TACR3: variants seen among roughly 807,000 people sequenced by gnomAD.
The protein encoded by TACR3 is neuromedin-K receptor.
TACR3 carries 34 observed loss-of-function variants against 35.0 expected under a neutral mutation model. The ratio of observed to expected loss-of-function variants is 0.97; its 90% confidence interval spans 0.74 to 1.30. The LOEUF (loss-of-function observed/expected upper bound fraction) is 1.30. Ranked by LOEUF, TACR3 falls within the 50% of genes most tolerant of loss-of-function variation. The probability of loss-of-function intolerance (pLI) is 0.00; values close to 1 mark genes in which losing one functional copy is unlikely to be tolerated. For missense variants in TACR3, 558 were observed against 591.7 expected (o/e 0.94, Z 0.59); for synonymous variants, 233 against 221.1 (o/e 1.05, Z -0.48).
intron 1 of TACR3, among the ~76,000 whole-genome samples, chr4:103,664,538 C>T (rs1725898181): frequency 6.6e-6 from 1 of 152,146 alleles, no homozygotes; most frequent in Admixed American, 6.6e-5. Context: ...ATTTTACTCT[C>T]TTCCAATCAA....
intron 3 of TACR3, among the ~76,000 whole-genome samples, chr4:103,599,378 T>A (rs967655704): frequency 6.6e-6 from 1 of 152,206 alleles, no homozygotes; most frequent in Non-Finnish European, 1.5e-5. Context: ...GTTTTCTAGA[T>A]ACACAATCAT....
At chr4:103,712,818 A>G (rs1449875566) in intron 1 of TACR3, among the ~76,000 whole-genome samples, 1 of 152,250 alleles carries the variant, frequency 6.6e-6, no homozygotes, top group African/African-American at 2.4e-5. Context: ...GGCAAAGTAT[A>G]TGAACAGACA....
intron 3 of TACR3, among the ~76,000 whole-genome samples, chr4:103,637,854 TA>T (rs1725232299): frequency 6.6e-6 from 1 of 151,770 alleles, no homozygotes. Context: ...ACAAAGAGAA[TA>T]AAAAACCTAG....
chr4:103,629,771 A>G (rs1725001998), intron 3 of TACR3, among the ~76,000 whole-genome samples: 2 of 151,410 alleles, frequency 1.3e-5, no homozygotes, highest in Admixed American at 6.6e-5. Flanking sequence ...GACTTTCTTC[A>G]CAGAATTGGA....
At chr4:103,607,034 G>C (rs903691520) in intron 3 of TACR3, among the ~76,000 whole-genome samples, 1 of 152,088 alleles carries the variant, frequency 6.6e-6, no homozygotes, top group Non-Finnish European at 1.5e-5. Context: ...AGCATGAAGG[G>C]TTGTTGAATT....
chr4:103,604,722 C>T (rs1724305807), intron 3 of TACR3, among the ~76,000 whole-genome samples: 1 of 151,824 alleles, frequency 6.6e-6, no homozygotes, highest in Non-Finnish European at 1.5e-5. Context: ...AAAAAGTGGG[C>T]AAAGGATATG....
chr4:103,642,432 T>C (rs1301523142), intron 3 of TACR3, among the ~76,000 whole-genome samples: 3 of 151,708 alleles, frequency 2.0e-5, no homozygotes, highest in Non-Finnish European at 4.4e-5. Context: ...CATCAAATAC[T>C]GAAGAAAACG....
chr4:103,635,061 G>A (rs982874182), intron 3 of TACR3, among the ~76,000 whole-genome samples: 1 of 151,942 alleles, frequency 6.6e-6, no homozygotes, highest in African/African-American at 2.4e-5. Context: ...ACCATTTGAT[G>A]TGCTGGGTCT....
intron 3 of TACR3, among the ~76,000 whole-genome samples, chr4:103,625,192 AG>A (rs1163338782): frequency 6.6e-6 from 1 of 152,168 alleles, no homozygotes; most frequent in African/African-American, 2.4e-5. Flanking sequence ...ATATACATGG[AG>A]GCTGCTAAAA....
At chr4:103,611,287 T>C (rs1724505835) in intron 3 of TACR3, among the ~76,000 whole-genome samples, 1 of 152,190 alleles carries the variant, frequency 6.6e-6, no homozygotes. Context: ...TAGTGTCCTC[T>C]TTAGTTGCTT....
chr4:103,710,047 C>A (rs1722905953), intron 1 of TACR3, among the ~76,000 whole-genome samples: 1 of 152,114 alleles, frequency 6.6e-6, no homozygotes, highest in African/African-American at 2.4e-5. Context: ...GACTCCCACA[C>A]AATAATAATG....
At chr4:103,644,385 T>C (rs890489491) in intron 3 of TACR3, among the ~76,000 whole-genome samples, 20 of 151,900 alleles carry the variant, frequency 1.3e-4, no homozygotes, top group African/African-American at 4.8e-4. Flanking sequence ...TTTTTAGCTA[T>C]TTTTCTTTTA....
At chr4:103,608,140 A>T (rs1307955681) in intron 3 of TACR3, among the ~76,000 whole-genome samples, 1 of 152,140 alleles carries the variant, frequency 6.6e-6, no homozygotes, top group Non-Finnish European at 1.5e-5. Context: ...TCACAATAGC[A>T]AAGGCATGGG....
intron 1 of TACR3, among the ~76,000 whole-genome samples, chr4:103,677,900 G>A (rs546379928): frequency 1.3e-5 from 2 of 151,450 alleles, no homozygotes; most frequent in Non-Finnish European, 2.9e-5. Context: ...GAAAAAAGGT[G>A]GTTCTTAGGT....
At chr4:103,610,867 C>G (rs1476810509) in intron 3 of TACR3, among the ~76,000 whole-genome samples, 1 of 152,002 alleles carries the variant, frequency 6.6e-6, no homozygotes, top group Admixed American at 6.6e-5. Flanking sequence ...TTTCCTAGCC[C>G]CATTTAGGGG....
At chr4:103,601,453 G>A (rs951710182) in intron 3 of TACR3, among the ~76,000 whole-genome samples, 5 of 152,042 alleles carry the variant, frequency 3.3e-5, no homozygotes, top group South Asian at 2.1e-4. Context: ...TATTTTGCTC[G>A]ATATTTGATG....
Position 103,630,352 on chromosome 4 carries a change from C to G in TACR3, c.888+25842G>C, listed in dbSNP as rs1725030015. 2.0e-5 allele frequency among the ~76,000 whole-genome samples: 3 copies of G among 152,290 alleles called. No individual in the cohort carries two copies. The South Asian group carries it at 6.2e-4, about 32-fold the overall frequency. On this transcript the variant is annotated intron_variant, in intron 3 of 4. Transcript: ENST00000304883. ...AATTGACAAATGGGATCTAATTAAACTAAAGAGCTTCTGTACAGCAAAAGA... is the reference window on the plus strand; with the variant it reads ...AATTGACAAATGGGATCTAATTAAAGTAAAGAGCTTCTGTACAGCAAAAGA...
chr4:103,651,845 T>C (rs1205670307), intron 3 of TACR3, among the ~76,000 whole-genome samples: 2 of 152,050 alleles, frequency 1.3e-5, no homozygotes, highest in African/African-American at 2.4e-5. Flanking sequence ...TTCAAGGCAG[T>C]GGGTTCCCTT....
At chr4:103,597,052 C>T (rs1724044052) in intron 3 of TACR3, among the ~76,000 whole-genome samples, 1 of 152,048 alleles carries the variant, frequency 6.6e-6, no homozygotes, top group Admixed American at 6.6e-5. Context: ...AATAGTGCCG[C>T]AATAAACACA....
Sources: allele counts gnomAD v4.1 joint callset (sites outside exome capture counted in the v4.1 genomes callset), GRCh38; gene constraint gnomAD v4.1.1; transcripts MANE v1.5; gene names NCBI Gene and HGNC (gene_info 2026-07-23, HGNC 2026-07-21).